ZBED4: variants seen among roughly 807,000 people sequenced by gnomAD.
ZBED4 encodes zinc finger BED domain-containing protein 4.
A neutral mutation model predicts 15.5 loss-of-function variants in ZBED4; 4 were observed. The observed-to-expected ratio is 0.26, with a 90% CI of 0.13 to 0.59. The LOEUF (loss-of-function observed/expected upper bound fraction) is 0.59. Ranked by LOEUF, ZBED4 falls within the 20% of genes least tolerant of loss-of-function variation. The pLI is 0.90. For missense variants in ZBED4, 1,323 were observed against 1,461.8 expected (o/e 0.91, Z 1.55); for synonymous variants, 692 against 608.5 (o/e 1.14, Z -2.02).
chr22:49,854,947 T>C (rs1234386650), intron 1 of ZBED4, among the ~76,000 whole-genome samples: 2 of 152,256 alleles, frequency 1.3e-5, no homozygotes, highest in Admixed American at 1.3e-4. Context: ...TTTTTCTGTG[T>C]ATGTCATTCA....
chr22:49,885,091 T>C lies in ZBED4; in HGVS notation c.1429T>C (p.Cys477Arg), dbSNP rs1481425283. 1 of 1,613,666 alleles carries C rather than the reference T, an allele frequency of 6.2e-7. No individual in the cohort carries two copies. The highest frequency in any genetic ancestry group is 1.1e-5 in the South Asian group (1 of 91,030). The change falls in exon 2 of 2, where the codon TGT becomes CGT. Residue 477 changes from cysteine to arginine, a missense_variant. By Grantham distance (180) the Cys-to-Arg change is radical. Around this residue, in one of 6 missense-constraint regions of ZBED4, gnomAD observed 429 missense variants for 397.9 expected, o/e 1.08. Coordinates refer to ENST00000216268, the MANE Select transcript of ZBED4 (RefSeq NM_014838.3). ...CCCCATGGACAGCCTCAAGGCCGAG[T>C]GTCGGTACTGCGGCTGTGCCATCAG... ...LAPMDSLKAECRYCGCAISRG... is the reference protein window; with the variant it reads ...LAPMDSLKAERRYCGCAISRG...
In ZBED4 at chr22:49,887,421, G is replaced by A. The variant is rs1051775373; in HGVS notation, c.*243G>A. On this transcript the variant is annotated 3_prime_UTR_variant, in exon 2 of 2. Coordinates refer to ENST00000216268, the MANE Select transcript of ZBED4 (RefSeq NM_014838.3). ...CTTGTCCTGTCAACTATGAAATATG[G>A]TGACTAGATTTTAATTCATAACCGT... The A allele has an allele frequency of 2.5e-6, 1 of 398,956 alleles. No individual in the cohort carries two copies. Among genetic ancestry groups the A allele is most frequent in the South Asian group, 8.1e-5 (1 of 12,360 alleles). 24.7% of individuals were successfully genotyped at this position (398,956 alleles called of 1,614,324 possible).
intron 1 of ZBED4, among the ~76,000 whole-genome samples, chr22:49,862,253 C>T (rs939904164): frequency 3.9e-5 from 6 of 152,138 alleles, no homozygotes; most frequent in African/African-American, 7.2e-5. Flanking sequence ...GCCGCAAAGT[C>T]GCTTGGAAGG....
chr22:49,854,233 C>T (rs1027615599), intron 1 of ZBED4, among the ~76,000 whole-genome samples: 1 of 148,578 alleles, frequency 6.7e-6, no homozygotes, highest in Non-Finnish European at 1.5e-5. Flanking sequence ...CGGCCGAGTG[C>T]CGGGGGTCGG....
chr22:49,853,974 C>T lies in ZBED4; in HGVS notation c.-345C>T, dbSNP rs1472949675. The stretch of plus-strand genomic sequence containing the variant: ...GTCCGCAGCCGGCCGGGAGCCGCCC[C>T]AGAGGCCGGGCCGAGGTGAGTGCGC... On this transcript the variant is annotated 5_prime_UTR_variant, in exon 1 of 2. It introduces an in-frame stop codon into an upstream open reading frame of the 5' UTR. Transcript: ENST00000216268. 2 of 145,462 alleles carry T rather than the reference C, an allele frequency of 1.4e-5. No homozygotes were observed. Among genetic ancestry groups the T allele is most frequent in the South Asian group, 4.1e-4 (2 of 4,828 alleles). The allele number at this position is 145,462 out of a possible 1,614,324, so 9.0% of individuals were successfully genotyped here. A position where few individuals can be genotyped will look rare whatever the true frequency, so the allele number is the denominator to read the frequency against.
rs1555922729 is a variant in ZBED4, at chr22:49,864,839, A to AAAAAAAG, written c.-330+10850_-330+10851insAAAAAAG. ...TGTCTCCAAAAAAAAAAAAAAAAAA[A>AAAAAAAG]GCCCTGATTAAACCGTCGTAGAGCT... On this transcript the variant is annotated intron_variant, in intron 1 of 1. Transcript: ENST00000216268. Among the ~76,000 whole-genome samples the AAAAAAAG allele has an allele frequency of 6.6e-4, 88 of 133,138 alleles. 5 individuals are homozygous for AAAAAAAG. The highest frequency in any genetic ancestry group is 2.3e-3 in the African/African-American group (64 of 27,370). The allele number at this position is 133,138 out of a possible 152,430, so 87.3% of individuals were successfully genotyped here.
At chr22:49,875,418 C>CTTTT (rs55993655) in intron 1 of ZBED4, among the ~76,000 whole-genome samples, 3 of 145,236 alleles carry the variant, frequency 2.1e-5, no homozygotes, top group Non-Finnish European at 4.5e-5. Context: ...AATTTATTTT[C>CTTTT]TTTTTTTTTT....
chr22:49,885,404 A>G lies in ZBED4; in HGVS notation c.1742A>G (p.His581Arg), dbSNP rs1371516469. Residue 581 changes from histidine (H) to arginine (R), a missense_variant, in exon 2 of 2, where the codon CAC (histidine) becomes CGC (arginine). Physicochemically the swap from His to Arg is conservative, Grantham distance 29. Coordinates refer to ENST00000216268, the MANE Select transcript of ZBED4 (RefSeq NM_014838.3). ...SADSTKVVCL[H>R]CGRTISRGKK... ...GACTCCACAAAAGTCGTGTGCTTGC[A>G]CTGTGGCCGGACCATCAGCCGGGGG... 6.9e-6 allele frequency: 11 copies of G among 1,605,582 alleles called. No individual in the cohort carries two copies. Among genetic ancestry groups the G allele is most frequent in the Non-Finnish European group, 9.4e-6 (11 of 1,173,256 alleles).
chr22:49,884,713 C>T lies in ZBED4; in HGVS notation c.1051C>T (p.Leu351=). ...QENGGTGIPP[L]YSTPPTLLPS... ...GAACGGGGGCACGGGCATCCCGCCA[C>T]TGTACTCCACCCCTCCCACTCTGCT... Residue 351 remains leucine (L), a synonymous_variant, in exon 2 of 2, where the codon CTG becomes TTG. Transcript: ENST00000216268. 6.3e-7 allele frequency: 1 copy of T among 1,597,244 alleles called. No homozygotes were observed. The highest frequency in any genetic ancestry group is 8.5e-7 in the Non-Finnish European group (1 of 1,170,626).
Position 49,886,347 on chromosome 22 carries a change from C to T in ZBED4, c.2685C>T (p.Ser895=), listed in dbSNP as rs1269314595. The part of the protein sequence containing the change: ...IQDVPSKWST[S]FHMLERLIEQ... ...ACGTCCCGTCCAAGTGGAGCACTTC[C>T]TTCCACATGCTCGAGCGGCTCATTG... The change falls in exon 2 of 2, where the codon TCC becomes TCT. Residue 895 remains serine (S), a synonymous_variant. Transcript: ENST00000216268. This position sits in a 1 kb window ranked among gnomAD's most constrained non-coding sequence, Gnocchi z 7.7. 4.4e-6 allele frequency: 7 copies of T among 1,607,362 alleles called. No individual in the cohort carries two copies. The South Asian group carries it at 6.6e-5, about 15-fold the overall frequency.
rs888211400 is a variant in ZBED4 at position 49,889,609 on chromosome 22, A to G, written c.*2431A>G. The G allele has an allele frequency of 2.4e-5, 4 of 167,192 alleles. No homozygotes were observed. Among genetic ancestry groups the G allele is most frequent in the African/African-American group, 7.2e-5 (3 of 41,414 alleles). The allele number at this position is 167,192 out of a possible 1,614,324, so 10.4% of individuals were successfully genotyped here. A position where few individuals can be genotyped will look rare whatever the true frequency, so the allele number is the denominator to read the frequency against. ...CAACAGAAAATATGGCCCTTCCTGA[A>G]TGACACTAGGAGAGTCATTTTATCT... is the stretch of plus-strand genomic sequence containing the variant. On this transcript the variant is annotated 3_prime_UTR_variant, in exon 2 of 2. Transcript: ENST00000216268.
intron 1 of ZBED4, among the ~76,000 whole-genome samples, chr22:49,867,134 G>A (rs1188762349): frequency 6.6e-6 from 1 of 152,124 alleles, no homozygotes; most frequent in Non-Finnish European, 1.5e-5. Context: ...ACACTTTCCA[G>A]TTTACCTCAC....
At chr22:49,878,652 C>A (rs921511617) in intron 1 of ZBED4, among the ~76,000 whole-genome samples, 3 of 152,204 alleles carry the variant, frequency 2.0e-5, no homozygotes, top group African/African-American at 7.2e-5. Flanking sequence ...GCAAAGATTT[C>A]TTTGGTACAA....
chr22:49,872,350 C>T (rs148230823), intron 1 of ZBED4, among the ~76,000 whole-genome samples: 12 of 152,230 alleles, frequency 7.9e-5, no homozygotes, highest in East Asian at 1.9e-4. Context: ...ACAGCAATTC[C>T]GCCGTATCTT....
At chr22:49,872,985 C>T (rs1192581577) in intron 1 of ZBED4, among the ~76,000 whole-genome samples, 2 of 152,134 alleles carry the variant, frequency 1.3e-5, no homozygotes, top group African/African-American at 4.8e-5. Flanking sequence ...CGTGAACTAC[C>T]GCGCCCAGCC....
At chr22:49,872,701 TA>T (rs1406855572) in intron 1 of ZBED4, among the ~76,000 whole-genome samples, 1 of 151,052 alleles carries the variant, frequency 6.6e-6, no homozygotes, top group East Asian at 1.9e-4. Flanking sequence ...GGCTAATTTT[TA>T]AATTTTTTTT....
Position 49,886,827 on chromosome 22 carries a change from G to A in ZBED4, c.3165G>A (p.Ser1055=), listed in dbSNP as rs200803647. ...ASHRCDAGSP[S]KDSAAEENLW... is the part of the protein sequence containing the mutation. ...ACAGGTGTGATGCTGGCTCCCCGTC[G>A]AAAGACTCTGCCGCAGAGGAGAACC... The change falls in exon 2 of 2, where the codon TCG becomes TCA. Residue 1055 remains serine (S), a synonymous_variant. Transcript: ENST00000216268. This position sits in a 1 kb window ranked among gnomAD's most constrained non-coding sequence, Gnocchi z 7.7. 7.2e-5 allele frequency: 116 copies of A among 1,613,866 alleles called. No individual in the cohort carries two copies. The highest frequency in any genetic ancestry group is 9.1e-5 in the Non-Finnish European group (107 of 1,179,974).
At chr22:49,854,196 G>T (rs1011164642) in intron 1 of ZBED4, among the ~76,000 whole-genome samples, 1 of 146,810 alleles carries the variant, frequency 6.8e-6, no homozygotes, top group African/African-American at 2.4e-5. Flanking sequence ...GGCCCTGACA[G>T]CTGGCGCGGG....
Position 49,887,700 on chromosome 22 carries a change from A to T in ZBED4, c.*522A>T, listed in dbSNP as rs965120062. Reference sequence around the variant, plus strand: ...CCGCAGGTTCTAAAGTGTCCCGCGGAGTACAGATAATATTCTGGAAGGTAA... The same window carrying T: ...CCGCAGGTTCTAAAGTGTCCCGCGGTGTACAGATAATATTCTGGAAGGTAA... On this transcript the variant is annotated 3_prime_UTR_variant, in exon 2 of 2. Transcript: ENST00000216268. 6.0e-6 allele frequency: 1 copy of T among 167,804 alleles called. No individual in the cohort carries two copies. The highest frequency in any genetic ancestry group is 1.5e-5 in the Non-Finnish European group (1 of 68,526). 10.4% of individuals were successfully genotyped at this position (167,804 alleles called of 1,614,324 possible). A position where few individuals can be genotyped will look rare whatever the true frequency, so the allele number is the denominator to read the frequency against.
Sources: allele counts gnomAD v4.1 joint callset (sites outside exome capture counted in the v4.1 genomes callset), GRCh38; gene constraint gnomAD v4.1.1; regional missense constraint gnomAD v4.1.1; non-coding constraint Gnocchi (gnomAD v3.1); transcripts MANE v1.5; gene names NCBI Gene and HGNC (gene_info 2026-07-23, HGNC 2026-07-21).